MYRIP: variants seen among roughly 807,000 people sequenced by gnomAD.
MYRIP encodes rab effector MyRIP.
In MYRIP, 49 loss-of-function variants were observed where a neutral mutation model predicts 98.0. That is an observed-to-expected ratio of 0.50 (90% CI 0.40 to 0.63). The LOEUF (loss-of-function observed/expected upper bound fraction) is 0.63. Ranked by LOEUF, MYRIP falls within the 30% of genes least tolerant of loss-of-function variation. The pLI is 0.00. For missense variants in MYRIP, 1,004 were observed against 1,058.2 expected (o/e 0.95, Z 0.71); for synonymous variants, 404 against 409.5 (o/e 0.99, Z 0.16).
At chr3:40,176,211 C>G (rs1425299844) in intron 8 of MYRIP, among the ~76,000 whole-genome samples, 1 of 152,156 alleles carries the variant, frequency 6.6e-6, no homozygotes, top group Non-Finnish European at 1.5e-5. Flanking sequence ...GGTTCTGAGG[C>G]TGCACTGTTC....
rs547316885 is a variant in MYRIP, at chr3:40,250,092, TTGAATGAA to T, written c.2263-114_2263-107del. ...TAGATAGAGGAGTGTTTGGTAGAAG[TTGAATGAA>T]TGAATGAATGAATGAGCATACATCA... On this transcript the variant is annotated intron_variant, in intron 13 of 16. Coordinates refer to ENST00000302541, the MANE Select transcript of MYRIP (RefSeq NM_015460.4). 107 of 711,876 alleles carry T rather than the reference TTGAATGAA, an allele frequency of 1.5e-4. 1 individual carries two copies. The highest frequency in any genetic ancestry group is 8.0e-4 in the Middle Eastern group (3 of 3,770). 44.1% of individuals were successfully genotyped at this position (711,876 alleles called of 1,614,324 possible). A position where few individuals can be genotyped will look rare whatever the true frequency, so the allele number is the denominator to read the frequency against.
At chr3:39,833,071 A>G (rs73072877) in intron 1 of MYRIP, among the ~76,000 whole-genome samples, 12,736 of 152,250 alleles carry the variant, frequency 0.084, 594 homozygotes, top group African/African-American at 0.13. Flanking sequence ...CTTAAAGGTA[A>G]TCAGACTGAC....
At chr3:39,963,071 A>C (rs758836843) in intron 2 of MYRIP, among the ~76,000 whole-genome samples, 3 of 152,144 alleles carry the variant, frequency 2.0e-5, no homozygotes, top group Non-Finnish European at 2.9e-5. Flanking sequence ...GATGTTATAG[A>C]AACGTAAACA....
intron 2 of MYRIP, among the ~76,000 whole-genome samples, chr3:39,976,385 T>G (rs1331246153): frequency 6.6e-6 from 1 of 151,646 alleles, no homozygotes; most frequent in Non-Finnish European, 1.5e-5. Context: ...CATTAAAGAG[T>G]CAGGAAACAA....
At chr3:40,256,991 A>AAAT (rs1302564989) in intron 16 of MYRIP, among the ~76,000 whole-genome samples, 2 of 152,194 alleles carry the variant, frequency 1.3e-5, no homozygotes, top group African/African-American at 4.8e-5. Flanking sequence ...GAAGAATATG[A>AAAT]AATAAAATAT....
At chr3:40,244,800 T>C (rs1354272819) in intron 13 of MYRIP, among the ~76,000 whole-genome samples, 193 bp downstream of exon 13, 1 of 152,202 alleles carries the variant, frequency 6.6e-6, no homozygotes, top group African/African-American at 2.4e-5. Flanking sequence ...CTCTGCCAAA[T>C]TAAAGTCTCG....
intron 2 of MYRIP, among the ~76,000 whole-genome samples, chr3:39,979,655 C>CAAAAAAAAAAAAAAAAAAA (rs56328162): frequency 7.6e-6 from 1 of 131,134 alleles, no homozygotes; most frequent in Admixed American, 7.7e-5. Context: ...CAAAACAAAA[C>CAAAAAAAAAAAAAAAAAAA]AAAAAAAAAA....
intron 1 of MYRIP, among the ~76,000 whole-genome samples, chr3:39,853,827 C>CT (rs1942210132): frequency 6.6e-6 from 1 of 152,060 alleles, no homozygotes; most frequent in Non-Finnish European, 1.5e-5. Flanking sequence ...GATCTCTTTG[C>CT]TTAAGCCAGT....
intron 2 of MYRIP, among the ~76,000 whole-genome samples, chr3:39,951,640 A>G (rs905378218): frequency 6.6e-6 from 1 of 152,100 alleles, no homozygotes; most frequent in Admixed American, 6.6e-5. Flanking sequence ...TCACATTATG[A>G]AATATTATTC....
At chr3:40,113,525 G>C (rs1949205535) in intron 3 of MYRIP, among the ~76,000 whole-genome samples, 1 of 152,196 alleles carries the variant, frequency 6.6e-6, no homozygotes, top group Non-Finnish European at 1.5e-5. Context: ...ATATGGGATA[G>C]TTATTTAATA....
At chr3:39,992,774 T>G (rs1037533708) in intron 2 of MYRIP, among the ~76,000 whole-genome samples, 1 of 152,204 alleles carries the variant, frequency 6.6e-6, no homozygotes, top group Non-Finnish European at 1.5e-5. Context: ...CCTTTTCTAG[T>G]CTTTGTCATC....
At chr3:40,185,546 T>A (rs2125622561) in intron 9 of MYRIP, among the ~76,000 whole-genome samples, 1 of 152,290 alleles carries the variant, frequency 6.6e-6, no homozygotes, top group Middle Eastern at 3.4e-3. Context: ...TTGATAATGC[T>A]GCTCAACAAC....
At chr3:39,817,108 T>G (rs1031863171) in intron 1 of MYRIP, among the ~76,000 whole-genome samples, 1 of 152,188 alleles carries the variant, frequency 6.6e-6, no homozygotes. Flanking sequence ...AAATTCATTG[T>G]AGAATAGAAT....
At chr3:39,812,393 G>C (rs1940724949) in intron 1 of MYRIP, among the ~76,000 whole-genome samples, 1 of 152,164 alleles carries the variant, frequency 6.6e-6, no homozygotes, top group Non-Finnish European at 1.5e-5. Flanking sequence ...AAAAATAGAA[G>C]GAATAATTTA....
At chr3:40,040,627 CAACATGG>C in intron 2 of MYRIP, among the ~76,000 whole-genome samples, 4 of 68,242 alleles carry the variant, frequency 5.9e-5, no homozygotes, top group African/African-American at 1.8e-4. Flanking sequence ...GGCACATATA[CAACATGG>C]AATACTATGC....
chr3:40,131,083 T>C (rs1416521552), intron 3 of MYRIP, among the ~76,000 whole-genome samples: 2 of 152,152 alleles, frequency 1.3e-5, no homozygotes, highest in African/African-American at 4.8e-5. Flanking sequence ...CTAGAAGTTA[T>C]TTATGAGAAT....
intron 3 of MYRIP, among the ~76,000 whole-genome samples, chr3:40,086,695 C>T (rs1165137748): frequency 3.9e-5 from 6 of 152,184 alleles, no homozygotes; most frequent in Non-Finnish European, 5.9e-5. Flanking sequence ...TTCTGTCCTC[C>T]AGTTCCACTA....
intron 1 of MYRIP, among the ~76,000 whole-genome samples, chr3:39,889,997 A>T (rs887635196): frequency 1.3e-5 from 2 of 152,100 alleles, no homozygotes; most frequent in African/African-American, 4.8e-5. Context: ...AATTTTTTTT[A>T]AAAATCAGTT....
chr3:40,188,299 G>C (rs1951091473), intron 9 of MYRIP, among the ~76,000 whole-genome samples: 2 of 152,186 alleles, frequency 1.3e-5, no homozygotes, highest in South Asian at 2.1e-4. Flanking sequence ...GAAAACCTGT[G>C]TGTTTTAACT....
Sources: allele counts gnomAD v4.1 joint callset (sites outside exome capture counted in the v4.1 genomes callset), GRCh38; gene constraint gnomAD v4.1.1; transcripts MANE v1.5; gene names NCBI Gene and HGNC (gene_info 2026-07-23, HGNC 2026-07-21).